The following GRAMD1C variants were observed in gnomAD, a reference collection of about 807,000 sequenced individuals.
GRAMD1C encodes the protein protein Aster-C.
Under a neutral mutation model 97.8 loss-of-function variants are expected in GRAMD1C, and 89 were observed. The observed-to-expected ratio is 0.91, with a 90% CI of 0.77 to 1.09. The LOEUF (loss-of-function observed/expected upper bound fraction) is 1.09, where lower values mean the gene tolerates loss of function less well. GRAMD1C is among the 50% of genes least tolerant of loss of function. The pLI is 0.00. For synonymous variants in GRAMD1C, 256 were observed against 267.0 expected (o/e 0.96, Z 0.40); for missense variants, 740 against 766.4 (o/e 0.97, Z 0.41).
chr3:113,901,652 A>G (rs1344178773), intron 7 of GRAMD1C, among the ~76,000 whole-genome samples: 1 of 152,214 alleles, frequency 6.6e-6, no homozygotes, highest in Non-Finnish European at 1.5e-5. Flanking sequence ...TAACAGAGTA[A>G]CAGATAATGT....
rs3765114 is a variant in GRAMD1C, at chr3:113,936,360, C to T, written c.1551C>T (p.Asn517=). The change falls in exon 14 of 18, where the codon AAC becomes AAT. Residue 517 remains asparagine, a synonymous_variant. Transcript: ENST00000358160. ...TACGAAGGAGAAGGCGAACCTTCAACCGAACAGCAGAAACAGTTCCTAAAC... is the reference window on the plus strand; with the variant it reads ...TACGAAGGAGAAGGCGAACCTTCAATCGAACAGCAGAAACAGTTCCTAAAC... ...TGLRRRRRTF[N]RTAETVPKLS... The T allele has an allele frequency of 0.31, 495,784 of 1,611,150 alleles. 79,642 individuals are homozygous for T. The highest frequency in any genetic ancestry group is 0.37 in the Middle Eastern group (2,239 of 6,062).
In GRAMD1C at chr3:113,945,671, C is replaced by G. The variant is rs1237975946; in HGVS notation, c.*193C>G. 1.9e-6 allele frequency: 1 copy of G among 518,144 alleles called. No homozygotes were observed. The highest frequency in any genetic ancestry group is 2.0e-5 in the African/African-American group (1 of 50,594). 32.1% of individuals were successfully genotyped at this position (518,144 alleles called of 1,614,324 possible). A position where few individuals can be genotyped will look rare whatever the true frequency, so the allele number is the denominator to read the frequency against. On this transcript the variant is annotated 3_prime_UTR_variant, in exon 18 of 18. Coordinates refer to ENST00000358160, the MANE Select transcript of GRAMD1C (RefSeq NM_017577.5). Reference sequence around the variant, plus strand: ...TGCTGGCCTTAATAATCCATCCTTTCACTTCTTATAGATATTTTTAAGCTG... The same window carrying G: ...TGCTGGCCTTAATAATCCATCCTTTGACTTCTTATAGATATTTTTAAGCTG...
intron 11 of GRAMD1C, among the ~76,000 whole-genome samples, chr3:113,931,985 A>C (rs991675524): frequency 7.9e-5 from 12 of 152,226 alleles, no homozygotes; most frequent in African/African-American, 2.9e-4. Context: ...AATCTGGTTT[A>C]CAGAATTGTT....
chr3:113,853,726 C>G (rs1398775202), intron 2 of GRAMD1C, among the ~76,000 whole-genome samples: 1 of 152,124 alleles, frequency 6.6e-6, no homozygotes, highest in African/African-American at 2.4e-5. Context: ...CAAACATGTA[C>G]TATGTCAGGT....
chr3:113,923,874 T>C (rs994502217), intron 10 of GRAMD1C, among the ~76,000 whole-genome samples: 13 of 152,192 alleles, frequency 8.5e-5, no homozygotes, highest in African/African-American at 2.4e-4. Flanking sequence ...TCTTTACATG[T>C]CTGGTAGAAT....
intron 2 of GRAMD1C, chr3:113,850,624 C>T: frequency 6.2e-7 from 1 of 1,607,638 alleles, no homozygotes; most frequent in Non-Finnish European, 8.5e-7. Flanking sequence ...ACATTCTTGT[C>T]TGCCAGCTCG....
intron 6 of GRAMD1C, among the ~76,000 whole-genome samples, chr3:113,895,131 G>A (rs1227401315): frequency 6.6e-6 from 1 of 152,190 alleles, no homozygotes; most frequent in Non-Finnish European, 1.5e-5. Context: ...GGACAGAGAT[G>A]AATCATCATG....
At chr3:113,845,488 T>G (rs978051117) in intron 2 of GRAMD1C, among the ~76,000 whole-genome samples, 1 of 152,054 alleles carries the variant, frequency 6.6e-6, no homozygotes. Context: ...GCCCAGGAGT[T>G]TGAGACCAGC....
At chr3:113,860,967 TA>T (rs56315203) in intron 2 of GRAMD1C, among the ~76,000 whole-genome samples, 73,607 of 138,368 alleles carry the variant, frequency 0.53, 18,976 homozygotes, top group Middle Eastern at 0.68. Context: ...AACTCCAACT[TA>T]AAAAAAAAAA....
Position 113,915,732 on chromosome 3 carries a change from A to G in GRAMD1C, c.984A>G (p.Arg328=), listed in dbSNP as rs1282332822. Residue 328 remains arginine, a synonymous_variant, in exon 10 of 18, where the codon AGA becomes AGG. Transcript: ENST00000358160. ...ENVPEKDLHG[R]LFINRIFHIS... The stretch of plus-strand genomic sequence containing the variant: ...TTCCTGAGAAAGATCTTCATGGAAG[A>G]CTTTTTATCAACCGTATTTTTCATA... The G allele has an allele frequency of 1.9e-6, 3 of 1,609,728 alleles. No individual in the cohort carries two copies. The highest frequency in any genetic ancestry group is 2.5e-6 in the Non-Finnish European group (3 of 1,176,736).
At chr3:113,911,173 G>GAGACACACACAC (rs375233107) in intron 9 of GRAMD1C, among the ~76,000 whole-genome samples, 3,379 of 147,510 alleles carry the variant, frequency 0.023, 79 homozygotes, top group South Asian at 0.05. Flanking sequence ...CAGAGAGAGA[G>GAGACACACACAC]ACACACACAC....
chr3:113,932,224 A>C (rs1937458532), intron 11 of GRAMD1C, among the ~76,000 whole-genome samples: 1 of 152,244 alleles, frequency 6.6e-6, no homozygotes, highest in Admixed American at 6.5e-5. Flanking sequence ...AAGAGCAAAC[A>C]AATGGACAAA....
chr3:113,862,477 A>C (rs1244555096), intron 2 of GRAMD1C, among the ~76,000 whole-genome samples: 1 of 152,200 alleles, frequency 6.6e-6, no homozygotes, highest in African/African-American at 2.4e-5. Flanking sequence ...GTTTAAGGTT[A>C]TCTCTCTTGT....
chr3:113,890,357 G>A (rs1327227271), intron 6 of GRAMD1C, among the ~76,000 whole-genome samples: 1 of 152,222 alleles, frequency 6.6e-6, no homozygotes, highest in Non-Finnish European at 1.5e-5. Flanking sequence ...CCTGGCCTGG[G>A]TGATGCTCAC....
rs1294419527 is a variant in GRAMD1C at position 113,926,734 on chromosome 3, T to G, written c.1091-3980T>G. ...TGATTGTGGAATAAGGTGGGTTCAG[T>G]TGACCATCTTCACTTCTGGAAGATT... On this transcript the variant is annotated intron_variant, in intron 10 of 17. Transcript: ENST00000358160. 2.6e-5 allele frequency among the ~76,000 whole-genome samples: 4 copies of G among 152,192 alleles called. No homozygotes were observed. In the East Asian group the frequency reaches 7.7e-4, roughly 29 times the overall value.
At chr3:113,841,281 C>CTTTATTT (rs1269088707) in intron 1 of GRAMD1C, among the ~76,000 whole-genome samples, 5 of 17,566 alleles carry the variant, frequency 2.8e-4, no homozygotes, top group African/African-American at 4.6e-4. Flanking sequence ...TTCTTTCTTT[C>CTTTATTT]TTTCTTTTTT....
intron 17 of GRAMD1C, 123 bp downstream of exon 17, chr3:113,940,468 C>CT (rs1937718360): frequency 1.7e-6 from 1 of 596,766 alleles, no homozygotes; most frequent in East Asian, 2.6e-5. Flanking sequence ...CTAGAGCCAA[C>CT]TACCCCTGCC....
chr3:113,910,053 A>C (rs183781449), intron 9 of GRAMD1C, among the ~76,000 whole-genome samples: 2 of 152,316 alleles, frequency 1.3e-5, no homozygotes, highest in Admixed American at 6.5e-5. Context: ...AATTTATTAC[A>C]AAGATAAATG....
chr3:113,849,070 G>C (rs1477102866), intron 2 of GRAMD1C, among the ~76,000 whole-genome samples: 1 of 152,032 alleles, frequency 6.6e-6, no homozygotes, highest in African/African-American at 2.4e-5. Context: ...TGTGGATTAA[G>C]ATCCCAGAGG....
Sources: gnomAD v4.1 joint callset for allele counts (sites outside exome capture counted in the v4.1 genomes callset) on GRCh38, gnomAD v4.1.1 for gene constraint, MANE v1.5 for transcripts, NCBI Gene and HGNC (gene_info 2026-07-23, HGNC 2026-07-21) for gene names.